PLAT: variants seen among roughly 807,000 people sequenced by gnomAD.
The protein encoded by PLAT is tissue-type plasminogen activator.
In PLAT, 48 loss-of-function variants were observed where a neutral mutation model predicts 74.9. The ratio of observed to expected loss-of-function variants is 0.64; its 90% CI spans 0.51 to 0.82. The LOEUF (loss-of-function observed/expected upper bound fraction) is 0.82, where lower values mean the gene tolerates loss of function less well. Among genes scored for constraint, PLAT ranks in the 40% least tolerant of loss-of-function variants. The pLI, the probability that PLAT is intolerant of heterozygous loss-of-function variation, is 0.00. For synonymous variants in PLAT, 307 were observed against 294.4 expected (o/e 1.04, Z -0.44); for missense variants, 673 against 736.2 (o/e 0.91, Z 0.99).
Position 42,176,149 on chromosome 8 carries a change from G to T in PLAT, c.1533C>A (p.Gly511=), listed in dbSNP as rs769409321. The change falls in exon 14 of 14, where the codon GGC becomes GGA. Residue 511 remains glycine, a splice_region_variant and synonymous_variant. Coordinates refer to ENST00000220809, the MANE Select transcript of PLAT (RefSeq NM_000930.5). ...GACACACCAGGGGGCCTCCCGAATC[G>T]CCCTGCAAAGGAGATAGCAGGTTTG... ...PQANLHDACQ[G]DSGGPLVCLN... The T allele has an allele frequency of 6.2e-7, 1 of 1,612,670 alleles. No homozygotes were observed.
chr8:42,180,373 G>C lies in PLAT; in HGVS notation c.1091C>G (p.Pro364Arg). ...SAAHCFQERF[P>R]PHHLTVILGR... is the part of the protein sequence containing the mutation. ...CAAGATCACCGTCAGGTGGTGGGGC[G>C]GAAACCTGGTGGAGAAACAGCCTTA... Residue 364 changes from proline to arginine, a missense_variant, in exon 11 of 14, where the codon CCG becomes CGG. By Grantham distance (103) the Pro-to-Arg change is moderately radical (BLOSUM62 -2). Coordinates refer to ENST00000220809, the MANE Select transcript of PLAT (RefSeq NM_000930.5). 1 of 1,614,212 alleles carries C rather than the reference G, an allele frequency of 6.2e-7. No individual in the cohort carries two copies. Among genetic ancestry groups the C allele is most frequent in the East Asian group, 2.2e-5 (1 of 44,886 alleles).
intron 1 of PLAT, among the ~76,000 whole-genome samples, chr8:42,204,744 C>T (rs889582988): frequency 2.6e-5 from 4 of 151,608 alleles, no homozygotes; most frequent in South Asian, 4.2e-4. Context: ...GAAAAATTGG[C>T]CGGGCATGGT....
intron 1 of PLAT, among the ~76,000 whole-genome samples, chr8:42,201,609 C>T (rs1017956993): frequency 1.3e-5 from 2 of 152,268 alleles, no homozygotes; most frequent in East Asian, 1.9e-4. Flanking sequence ...CATCTGTGTT[C>T]GTAGAACAGT....
At chr8:42,203,081 C>T (rs1238650585) in intron 1 of PLAT, among the ~76,000 whole-genome samples, 2 of 152,062 alleles carry the variant, frequency 1.3e-5, no homozygotes, top group African/African-American at 4.8e-5. Context: ...ATCTAGGGGC[C>T]TTTGTAGGAG....
At position 42,194,050 on chromosome 8, in the gene PLAT, CTTTTTTTT is replaced by C. The variant is rs59850705; in HGVS notation, c.-26-847_-26-840del. 1.5e-4 allele frequency among the ~76,000 whole-genome samples: 13 copies of C among 84,922 alleles called. No homozygotes were observed. The East Asian group carries it at 4.6e-3, about 30-fold the overall frequency. 55.7% of individuals were successfully genotyped at this position (84,922 alleles called of 152,430 possible). On this transcript the variant is annotated intron_variant, in intron 1 of 13. Coordinates refer to ENST00000220809, the MANE Select transcript of PLAT (RefSeq NM_000930.5). ...CTTTTTCCTTTCTTCTTTCTTCTTT[CTTTTTTTT>C]TTTTTTTTTTTTGAGACTAGGTCTC...
intron 1 of PLAT, among the ~76,000 whole-genome samples, chr8:42,203,992 T>TATATATATATATACACACACAC (rs1554499838): frequency 5.5e-5 from 6 of 109,866 alleles, no homozygotes; most frequent in African/African-American, 3.1e-4. Context: ...TATATATATA[T>TATATATATATATACACACACAC]ACACACACAC....
At position 42,191,372 on chromosome 8, in the gene PLAT, C is replaced by A. The variant is rs1446229320; in HGVS notation, c.115G>T (p.Val39Leu). ...CATGCACCCCTCAGCTTCACCCGAC[C>A]TTGGTAAGATCTGGCTCCTCTTCTG... ...RFRRGARSYQ[V>L]ICRDEKTQMI... Residue 39 changes from valine to leucine, a missense_variant and splice_region_variant, in exon 3 of 14, where the codon GTG (valine) becomes TTG (leucine). By Grantham distance (32) the Val-to-Leu change is conservative. Transcript: ENST00000220809. The A allele has an allele frequency of 1.2e-6, 2 of 1,614,056 alleles. No homozygotes were observed. The highest frequency in any genetic ancestry group is 1.7e-6 in the Non-Finnish European group (2 of 1,179,886).
chr8:42,187,814 G>T, intron 5 of PLAT, 92 bp downstream of exon 5: 2 of 941,648 alleles, frequency 2.1e-6, no homozygotes, highest in Non-Finnish European at 1.7e-6. Context: ...CCCACCCCTG[G>T]CCCTGCCATC....
At chr8:42,193,074 C>T in intron 2 of PLAT, 40 bp downstream of exon 2, 1 of 1,430,594 alleles carries the variant, frequency 7.0e-7, no homozygotes, top group African/African-American at 1.4e-5. Flanking sequence ...GGAAGCATCA[C>T]AGCCTTGAGG....
chr8:42,201,026 C>T (rs934827518), intron 1 of PLAT, among the ~76,000 whole-genome samples: 5 of 152,156 alleles, frequency 3.3e-5, no homozygotes, highest in African/African-American at 9.7e-5. Context: ...GACAGGGTTT[C>T]GGCATGCTGG....
chr8:42,176,155 C>T lies in PLAT; in HGVS notation c.1531-4G>A, dbSNP rs1386768062. 2 of 1,611,776 alleles carry T rather than the reference C, an allele frequency of 1.2e-6. No homozygotes were observed. Among genetic ancestry groups the T allele is most frequent in the Non-Finnish European group, 1.7e-6 (2 of 1,178,600 alleles). ...CCAGGGGGCCTCCCGAATCGCCCTG[C>T]AAAGGAGATAGCAGGTTTGGCGTTT... On this transcript the variant is annotated splice_polypyrimidine_tract_variant and splice_region_variant and intron_variant, in intron 13 of 13. Transcript: ENST00000220809.
At chr8:42,182,929 T>C (rs1344018171) in intron 7 of PLAT, 39 bp from the exon 8 acceptor site, 1 of 1,552,716 alleles carries the variant, frequency 6.4e-7, no homozygotes, top group Non-Finnish European at 8.8e-7. Context: ...CAAAAACAAA[T>C]TCTGAAGCAC....
chr8:42,197,447 G>A (rs1189201944), intron 1 of PLAT, among the ~76,000 whole-genome samples: 2 of 152,210 alleles, frequency 1.3e-5, no homozygotes, highest in African/African-American at 4.8e-5. Context: ...AGGAAGTGGG[G>A]TACCGTGCTG....
rs1489999346 is a variant in PLAT at position 42,180,677 on chromosome 8, C to T, written c.898G>A (p.Gly300Ser). Reference protein sequence around the residue: ...YCDVPSCSTCGLRQYSQPQFR... With the variant: ...YCDVPSCSTCSLRQYSQPQFR... The stretch of plus-strand genomic sequence containing the variant: ...TGAGGCTGGCTGTACTGTCTCAGGC[C>T]GCAGGTGGCTGGGGAGGAAAGGACG... The change falls in exon 10 of 14, where the codon GGC becomes AGC. Residue 300 changes from glycine (G) to serine (S), a missense_variant. By Grantham distance (56) the Gly-to-Ser change is moderately conservative. Coordinates refer to ENST00000220809, the MANE Select transcript of PLAT (RefSeq NM_000930.5). 6.4e-6 allele frequency: 10 copies of T among 1,566,542 alleles called. No individual in the cohort carries two copies. Among genetic ancestry groups the T allele is most frequent in the African/African-American group, 4.1e-5 (3 of 73,792 alleles).
At position 42,178,340 on chromosome 8, in the gene PLAT, G is replaced by A. The variant is rs181043402; in HGVS notation, c.1530+557C>T. On this transcript the variant is annotated intron_variant, in intron 13 of 13. Coordinates refer to ENST00000220809, the MANE Select transcript of PLAT (RefSeq NM_000930.5). ...GGCTGAAGCGCAATGGCGCGATCTCGGCTCACTGCAACCTCTGCCTCCCGG... is the reference window on the plus strand; with the variant it reads ...GGCTGAAGCGCAATGGCGCGATCTCAGCTCACTGCAACCTCTGCCTCCCGG... Among the ~76,000 whole-genome samples the A allele has an allele frequency of 2.3e-3, 342 of 148,820 alleles. 1 individual carries two copies. Among genetic ancestry groups the A allele is most frequent in the African/African-American group, 8.0e-3 (323 of 40,182 alleles).
chr8:42,189,924 CTT>C (rs201306573), intron 3 of PLAT, among the ~76,000 whole-genome samples: 2 of 143,358 alleles, frequency 1.4e-5, no homozygotes, highest in Non-Finnish European at 3.0e-5. Context: ...TTTTCTTTTT[CTT>C]TTTTTTTTTC....
intron 6 of PLAT, chr8:42,187,085 TTATC>T (rs369418457): frequency 0.011 from 2,765 of 251,618 alleles, 29 homozygotes; most frequent in Non-Finnish European, 0.015. Flanking sequence ...TATCATCTAT[TTATC>T]TATCAATCAT....
At chr8:42,177,883 A>G (rs989575501) in intron 13 of PLAT, among the ~76,000 whole-genome samples, 1 of 152,158 alleles carries the variant, frequency 6.6e-6, no homozygotes, top group Non-Finnish European at 1.5e-5. Context: ...ATCCTTCAGC[A>G]CCAGAGCCTG....
chr8:42,183,665 A>AT (rs1805338510), intron 7 of PLAT, among the ~76,000 whole-genome samples: 1 of 151,486 alleles, frequency 6.6e-6, no homozygotes, highest in African/African-American at 2.4e-5. Flanking sequence ...CCATTTTTCC[A>AT]TTTTTTTCTC....
Sources: allele counts gnomAD v4.1 joint callset (sites outside exome capture counted in the v4.1 genomes callset), GRCh38; gene constraint gnomAD v4.1.1; transcripts MANE v1.5; gene names NCBI Gene and HGNC (gene_info 2026-07-23, HGNC 2026-07-21).